The following DEPTOR variants were observed in gnomAD, a reference collection of about 807,000 sequenced individuals.
DEPTOR encodes DEP domain-containing mTOR-interacting protein.
Under a neutral mutation model 41.6 loss-of-function variants are expected in DEPTOR, and 41 were observed. That is an observed-to-expected ratio of 0.98 (90% CI 0.77 to 1.28). DEPTOR has a LOEUF of 1.28. Ranked by LOEUF, DEPTOR falls within the 50% of genes most tolerant of loss-of-function variation. The pLI is 0.00. For missense variants in DEPTOR, 514 were observed against 527.9 expected, an observed-to-expected ratio of 0.97 and a Z score of 0.26; for synonymous variants, 195 against 192.3, an observed-to-expected ratio of 1.01 and a Z score of -0.12.
chr8:119,961,527 T>C (rs1828492617), intron 3 of DEPTOR, among the ~76,000 whole-genome samples: 1 of 152,106 alleles, frequency 6.6e-6, no homozygotes, highest in Non-Finnish European at 1.5e-5. Flanking sequence ...TACAGCATGG[T>C]TGGGCTCTGA....
intron 8 of DEPTOR, among the ~76,000 whole-genome samples, chr8:120,045,381 A>G (rs777918673): frequency 4.6e-5 from 7 of 151,950 alleles, no homozygotes; most frequent in African/African-American, 1.4e-4. Flanking sequence ...TTTATCTTTT[A>G]TGTTTTTTAG....
At chr8:120,023,460 T>A (rs1812753546) in intron 8 of DEPTOR, among the ~76,000 whole-genome samples, 1 of 152,220 alleles carries the variant, frequency 6.6e-6, no homozygotes. Flanking sequence ...AATTATTTTC[T>A]TATTCCACAT....
In DEPTOR at chr8:119,990,965, A is replaced by G. The variant is rs189418022; in HGVS notation, c.605-10560A>G. Reference sequence around the variant, plus strand: ...TGCTTTAGGAAATAGGGCTCCTTCAACTATTGCTTCCATTTAGGATGGCTT... The same window carrying G: ...TGCTTTAGGAAATAGGGCTCCTTCAGCTATTGCTTCCATTTAGGATGGCTT... On this transcript the variant is annotated intron_variant, in intron 4 of 8. Coordinates refer to ENST00000286234, the MANE Select transcript of DEPTOR (RefSeq NM_022783.4). Among the ~76,000 whole-genome samples, 212 of 152,128 alleles carry G rather than the reference A, an allele frequency of 1.4e-3. 1 individual carries two copies. Among genetic ancestry groups the G allele is most frequent in the African/African-American group, 4.7e-3 (196 of 41,508 alleles).
At chr8:119,899,804 C>G (rs763507150) in intron 1 of DEPTOR, among the ~76,000 whole-genome samples, 2 of 152,142 alleles carry the variant, frequency 1.3e-5, no homozygotes, top group Non-Finnish European at 2.9e-5. Flanking sequence ...CCTATGCTTC[C>G]CTAATGAGAC....
intron 8 of DEPTOR, among the ~76,000 whole-genome samples, chr8:120,046,994 T>C (rs1164188434): frequency 5.3e-5 from 8 of 152,176 alleles, no homozygotes; most frequent in Non-Finnish European, 4.4e-5. Flanking sequence ...CAGCTTCTGA[T>C]TGTCCCAGAG....
At chr8:119,992,848 G>C (rs541808460) in intron 4 of DEPTOR, among the ~76,000 whole-genome samples, 11 of 151,876 alleles carry the variant, frequency 7.2e-5, no homozygotes, top group South Asian at 4.2e-4. Flanking sequence ...CCTGAGACAG[G>C]GTTTCACCAT....
At chr8:119,950,866 G>A (rs1405665708) in intron 3 of DEPTOR, among the ~76,000 whole-genome samples, 1 of 152,112 alleles carries the variant, frequency 6.6e-6, no homozygotes, top group African/African-American at 2.4e-5. Context: ...CCAAAGTGCT[G>A]GGATTACAGG....
At chr8:119,967,890 G>C (rs1031305256) in intron 4 of DEPTOR, among the ~76,000 whole-genome samples, 1 of 152,098 alleles carries the variant, frequency 6.6e-6, no homozygotes. Context: ...GTGTATTGGA[G>C]TCAAATATTT....
chr8:120,009,134 G>A lies in DEPTOR; in HGVS notation c.1101+1G>A, dbSNP rs768075265. Reference sequence around the variant, plus strand: ...CCCTGCAGCCGCAGCAGGAATGAAGGTACTAACGGGTCTTTCTCACCCTCT... The same window carrying A: ...CCCTGCAGCCGCAGCAGGAATGAAGATACTAACGGGTCTTTCTCACCCTCT... On this transcript the variant is annotated splice_donor_variant, in intron 8 of 8. Coordinates refer to ENST00000286234, the MANE Select transcript of DEPTOR (RefSeq NM_022783.4). LOFTEE classifies it high-confidence loss of function. 4.3e-6 allele frequency: 7 copies of A among 1,613,132 alleles called. No individual in the cohort carries two copies. The highest frequency in any genetic ancestry group is 5.9e-6 in the Non-Finnish European group (7 of 1,179,574).
At chr8:119,911,872 C>T (rs1177766999) in intron 1 of DEPTOR, among the ~76,000 whole-genome samples, 1 of 152,124 alleles carries the variant, frequency 6.6e-6, no homozygotes, top group African/African-American at 2.4e-5. Context: ...TTCCTTCTGT[C>T]CAGACTGAAA....
chr8:119,886,544 T>C (rs1419129898), intron 1 of DEPTOR, among the ~76,000 whole-genome samples: 2 of 151,734 alleles, frequency 1.3e-5, no homozygotes, highest in East Asian at 1.9e-4. Flanking sequence ...CATACACACA[T>C]AGACACATAC....
chr8:119,979,644 C>A lies in DEPTOR; in HGVS notation c.604+14234C>A, dbSNP rs75532315. 3.3e-3 allele frequency among the ~76,000 whole-genome samples: 498 copies of A among 151,962 alleles called. 2 individuals carry two copies. Among genetic ancestry groups the A allele is most frequent in the African/African-American group, 0.011 (473 of 41,420 alleles). On this transcript the variant is annotated intron_variant, in intron 4 of 8. Coordinates refer to ENST00000286234, the MANE Select transcript of DEPTOR (RefSeq NM_022783.4). ...TAACCCAACAAAGAGCTCACCCCAC[C>A]CCCGCTTCCATCCAAGGAAGGCCTG... is the stretch of plus-strand genomic sequence containing the variant.
intron 3 of DEPTOR, among the ~76,000 whole-genome samples, chr8:119,950,150 T>C (rs1828334236): frequency 6.6e-6 from 1 of 152,216 alleles, no homozygotes; most frequent in South Asian, 2.1e-4. Flanking sequence ...CCTCGTTATA[T>C]GGCCTTGGCA....
chr8:119,972,175 A>G (rs559012798), intron 4 of DEPTOR, among the ~76,000 whole-genome samples: 3 of 152,372 alleles, frequency 2.0e-5, no homozygotes, highest in African/African-American at 7.2e-5. Flanking sequence ...CTCAAATGCT[A>G]GCTCTTGTAC....
chr8:119,990,981 A>G (rs1345472563), intron 4 of DEPTOR, among the ~76,000 whole-genome samples: 1 of 152,120 alleles, frequency 6.6e-6, no homozygotes, highest in Non-Finnish European at 1.5e-5. Flanking sequence ...GCTTCCATTT[A>G]GGATGGCTTG....
chr8:119,875,786 AG>A (rs1352132772), intron 1 of DEPTOR, among the ~76,000 whole-genome samples: 15 of 152,352 alleles, frequency 9.8e-5, no homozygotes, highest in Admixed American at 7.2e-4. Context: ...AAGAGTGTAC[AG>A]GTTTGGCACC....
chr8:119,991,752 T>A lies in DEPTOR; in HGVS notation c.605-9773T>A, dbSNP rs995959641. ...TAATAGCCTCCAGTCAGATTTTCTT[T>A]AAAAAAAAATAGCTTCAACTTTTCT... On this transcript the variant is annotated intron_variant, in intron 4 of 8. Coordinates refer to ENST00000286234, the MANE Select transcript of DEPTOR (RefSeq NM_022783.4). 3.3e-5 allele frequency among the ~76,000 whole-genome samples: 5 copies of A among 151,704 alleles called. No homozygotes were observed. The South Asian group carries it at 1.0e-3, about 31-fold the overall frequency.
intron 8 of DEPTOR, among the ~76,000 whole-genome samples, chr8:120,035,591 G>A (rs1211776716): frequency 1.3e-5 from 2 of 152,154 alleles, no homozygotes; most frequent in Admixed American, 6.6e-5. Context: ...GAGTGCAGTG[G>A]TGCAATCTTG....
Position 119,969,862 on chromosome 8 carries a change from G to A in DEPTOR, c.604+4452G>A, listed in dbSNP as rs1029624621. 1.8e-4 allele frequency: 28 copies of A among 152,158 alleles called. 1 individual carries two copies. Among genetic ancestry groups the A allele is most frequent in the African/African-American group, 6.0e-4 (25 of 41,438 alleles). The allele number at this position is 152,158 out of a possible 1,614,324, so 9.4% of individuals were successfully genotyped here. On this transcript the variant is annotated intron_variant, in intron 4 of 8. Transcript: ENST00000286234. ...CATGGTAAGTACCAGTTAGTGTCTT[G>A]AGCAAAGCTTTTAATTGTCTGGCTA...
Sources: allele counts gnomAD v4.1 joint callset (sites outside exome capture counted in the v4.1 genomes callset), GRCh38; gene constraint gnomAD v4.1.1; transcripts MANE v1.5; gene names NCBI Gene and HGNC (gene_info 2026-07-23, HGNC 2026-07-21).